Variants in DRGX observed in about 807,000 individuals in gnomAD.
DRGX encodes dorsal root ganglia homeobox protein.
DRGX carries 21 observed loss-of-function variants against 28.6 expected under a neutral mutation model. The ratio of observed to expected loss-of-function variants is 0.73; its 90% CI spans 0.52 to 1.06. The LOEUF (loss-of-function observed/expected upper bound fraction) is 1.06, where lower values mean the gene tolerates loss of function less well. DRGX is among the 50% of genes least tolerant of loss of function. The pLI is 0.00. For synonymous variants in DRGX, 136 were observed against 139.1 expected, an observed-to-expected ratio of 0.98 and a Z score of 0.16; for missense variants, 354 against 343.9, an observed-to-expected ratio of 1.03 and a Z score of -0.23.
intron 6 of DRGX, among the ~76,000 whole-genome samples, chr10:49,378,372 A>T (rs1412697171): frequency 1.3e-5 from 2 of 152,232 alleles, no homozygotes; most frequent in African/African-American, 2.4e-5. Flanking sequence ...AGATGTCCAC[A>T]GTCTGCAGAG....
intron 4 of DRGX, among the ~76,000 whole-genome samples, chr10:49,388,480 A>G (rs373018050): frequency 1.3e-5 from 2 of 152,162 alleles, no homozygotes; most frequent in African/African-American, 4.8e-5. Flanking sequence ...TTCTTTTCTA[A>G]TCTACTTGGC....
chr10:49,366,703 T>C (rs1175535220), intron 6 of DRGX, among the ~76,000 whole-genome samples: 1 of 152,198 alleles, frequency 6.6e-6, no homozygotes, highest in Non-Finnish European at 1.5e-5. Context: ...ATACCTACAT[T>C]GCAGGATTAT....
intron 4 of DRGX, 34 bp downstream of exon 4, chr10:49,390,099 A>C (rs1341607621): frequency 6.4e-7 from 1 of 1,558,026 alleles, no homozygotes; most frequent in Non-Finnish European, 8.7e-7. Flanking sequence ...CAGTTTTAAT[A>C]TTAGAGAGTT....
intron 6 of DRGX, among the ~76,000 whole-genome samples, chr10:49,384,819 C>A (rs1849813962): frequency 6.6e-6 from 1 of 152,252 alleles, no homozygotes; most frequent in Non-Finnish European, 1.5e-5. Flanking sequence ...AAGCCCCCTT[C>A]AGCCACTGCT....
In DRGX at chr10:49,366,005, AGGCCCTGG is replaced by A; in HGVS notation, c.*103_*110del. 2 of 1,336,826 alleles carry A rather than the reference AGGCCCTGG, an allele frequency of 1.5e-6. No individual in the cohort carries two copies. Among genetic ancestry groups the A allele is most frequent in the Non-Finnish European group, 2.0e-6 (2 of 1,019,938 alleles). The allele number at this position is 1,336,826 out of a possible 1,614,324, so 82.8% of individuals were successfully genotyped here. On this transcript the variant is annotated 3_prime_UTR_variant, in exon 7 of 7. Transcript: ENST00000374139. ...ACTTGCCCGTCCTGGGTCCATGCAG[AGGCCCTGG>A]GGCCGCAGGCTTCTCCTTGCTATTT...
At chr10:49,379,996 A>G (rs1442058469) in intron 6 of DRGX, among the ~76,000 whole-genome samples, 1 of 151,946 alleles carries the variant, frequency 6.6e-6, no homozygotes, top group African/African-American at 2.4e-5. Context: ...GTCAGATCTT[A>G]CTCCATTGTC....
intron 6 of DRGX, among the ~76,000 whole-genome samples, chr10:49,379,049 T>C (rs1337722500): frequency 4.6e-5 from 7 of 152,162 alleles, no homozygotes; most frequent in Admixed American, 4.6e-4. Context: ...CATTGGAGTG[T>C]TTCAGATTTA....
intron 3 of DRGX, 96 bp from the exon 4 acceptor site, chr10:49,390,330 A>G: frequency 2.9e-6 from 3 of 1,020,318 alleles, no homozygotes; most frequent in Middle Eastern, 2.1e-4. Context: ...GTGAGGAAGC[A>G]GTTTCACAGA....
At chr10:49,376,300 G>C (rs1849716012) in intron 6 of DRGX, among the ~76,000 whole-genome samples, 1 of 152,190 alleles carries the variant, frequency 6.6e-6, no homozygotes, top group Non-Finnish European at 1.5e-5. Flanking sequence ...AGGAGCCAGG[G>C]CTGACCCAGC....
intron 6 of DRGX, among the ~76,000 whole-genome samples, chr10:49,381,154 G>C (rs759204157): frequency 6.6e-6 from 1 of 152,208 alleles, no homozygotes; most frequent in Non-Finnish European, 1.5e-5. Context: ...GAAAATCCCC[G>C]CAAGAGCCTG....
intron 6 of DRGX, among the ~76,000 whole-genome samples, chr10:49,374,779 A>G (rs996262093): frequency 1.3e-5 from 2 of 152,232 alleles, no homozygotes; most frequent in African/African-American, 4.8e-5. Context: ...GTCTCTGCCA[A>G]TAGCACATTT....
At chr10:49,373,119 T>C (rs1389701366) in intron 6 of DRGX, among the ~76,000 whole-genome samples, 1 of 152,152 alleles carries the variant, frequency 6.6e-6, no homozygotes, top group Admixed American at 6.5e-5. Context: ...TAAGCTATAA[T>C]GAATGGGCTA....
At chr10:49,387,678 G>C (rs867345552) in intron 4 of DRGX, among the ~76,000 whole-genome samples, 1 of 143,384 alleles carries the variant, frequency 7.0e-6, no homozygotes, top group Non-Finnish European at 1.5e-5. Flanking sequence ...AAAAAAAAAA[G>C]ACAGAAAGAA....
intron 6 of DRGX, among the ~76,000 whole-genome samples, chr10:49,371,791 CAAAAAAAAAA>C (rs563658320): frequency 2.2e-5 from 1 of 45,492 alleles, no homozygotes; most frequent in Admixed American, 2.5e-4. Context: ...GACTCCATCT[CAAAAAAAAAA>C]AAAAAAAAAA....
chr10:49,392,543 C>T (rs1263978382), intron 2 of DRGX, among the ~76,000 whole-genome samples: 1 of 152,156 alleles, frequency 6.6e-6, no homozygotes, highest in South Asian at 2.1e-4. Context: ...AACAAATTGT[C>T]TTTTTTTGAA....
intron 6 of DRGX, among the ~76,000 whole-genome samples, chr10:49,383,042 C>A (rs576842715): frequency 3.3e-5 from 5 of 152,260 alleles, no homozygotes; most frequent in Admixed American, 3.3e-4. Context: ...CCTCCAAGGG[C>A]AAGGCAGGGC....
intron 6 of DRGX, among the ~76,000 whole-genome samples, chr10:49,369,741 C>T (rs756937903): frequency 5.9e-5 from 9 of 151,854 alleles, no homozygotes; most frequent in African/African-American, 9.7e-5. Context: ...TTTTATGTTA[C>T]GCATGTTTTA....
chr10:49,379,218 T>C (rs1183671309), intron 6 of DRGX, among the ~76,000 whole-genome samples: 1 of 152,196 alleles, frequency 6.6e-6, no homozygotes, highest in Non-Finnish European at 1.5e-5. Flanking sequence ...GGTAAAGTTA[T>C]ATCATCATAA....
At chr10:49,380,046 AC>A (rs1849757430) in intron 6 of DRGX, among the ~76,000 whole-genome samples, 1 of 152,160 alleles carries the variant, frequency 6.6e-6, no homozygotes, top group African/African-American at 2.4e-5. Flanking sequence ...ACTCTAGGGA[AC>A]CACGCTGGGG....
Sources: gnomAD v4.1 joint callset for allele counts (sites outside exome capture counted in the v4.1 genomes callset) on GRCh38, gnomAD v4.1.1 for gene constraint, MANE v1.5 for transcripts, NCBI Gene and HGNC (gene_info 2026-07-23, HGNC 2026-07-21) for gene names.